The following ACSS3 variants were observed in gnomAD, a reference collection of about 807,000 sequenced individuals.
The protein encoded by ACSS3 is acyl-CoA synthetase short chain family member 3.
Under a neutral mutation model 84.2 loss-of-function variants are expected in ACSS3, and 64 were observed. The ratio of observed to expected loss-of-function variants is 0.76; its 90% CI spans 0.62 to 0.94. The LOEUF (loss-of-function observed/expected upper bound fraction) is 0.94, where lower values mean the gene tolerates loss of function less well. Ranked by LOEUF, ACSS3 falls within the 40% of genes least tolerant of loss-of-function variation. The probability of loss-of-function intolerance (pLI) is 0.00; values close to 1 mark genes in which losing one functional copy is unlikely to be tolerated. For missense variants in ACSS3, 815 were observed against 867.6 expected (o/e 0.94, Z 0.76); for synonymous variants, 317 against 310.1 (o/e 1.02, Z -0.23).
chr12:81,132,375 G>A (rs1885560415), intron 2 of ACSS3, among the ~76,000 whole-genome samples: 1 of 152,122 alleles, frequency 6.6e-6, no homozygotes, highest in Non-Finnish European at 1.5e-5. Flanking sequence ...ATGTGTACAG[G>A]AATTTATCCA....
intron 9 of ACSS3, among the ~76,000 whole-genome samples, chr12:81,204,617 C>G (rs1221919504): frequency 6.6e-6 from 1 of 152,082 alleles, no homozygotes; most frequent in African/African-American, 2.4e-5. Flanking sequence ...ATAGAATACT[C>G]AAATTCCACA....
At chr12:81,229,676 C>G (rs1380590117) in intron 11 of ACSS3, among the ~76,000 whole-genome samples, 1 of 151,912 alleles carries the variant, frequency 6.6e-6, no homozygotes, top group Non-Finnish European at 1.5e-5. Flanking sequence ...AAAAACACAA[C>G]AGCATTTCTC....
At chr12:81,213,579 C>G (rs147759752) in intron 9 of ACSS3, among the ~76,000 whole-genome samples, 1,709 of 37,108 alleles carry the variant, frequency 0.046, 38 homozygotes, top group South Asian at 0.16. Context: ...CTCCTCTCCT[C>G]TCCTCCCCTC....
At chr12:81,159,450 C>A (rs1887042733) in intron 7 of ACSS3, among the ~76,000 whole-genome samples, 1 of 152,068 alleles carries the variant, frequency 6.6e-6, no homozygotes, top group African/African-American at 2.4e-5. Flanking sequence ...TATTTAAATA[C>A]AAAACACCTG....
chr12:81,136,339 C>G (rs954712965), intron 3 of ACSS3, among the ~76,000 whole-genome samples: 1 of 152,140 alleles, frequency 6.6e-6, no homozygotes, highest in Admixed American at 6.6e-5. Flanking sequence ...CGCACCTACT[C>G]AGCTTTGCTG....
At chr12:81,154,972 G>A (rs573330586) in intron 7 of ACSS3, among the ~76,000 whole-genome samples, 5 of 152,120 alleles carry the variant, frequency 3.3e-5, no homozygotes, top group Admixed American at 1.3e-4. Context: ...TTTCTCTCAC[G>A]TTCTTGGGCT....
chr12:81,166,560 T>C (rs1009446450), intron 7 of ACSS3, among the ~76,000 whole-genome samples: 3 of 152,054 alleles, frequency 2.0e-5, no homozygotes, highest in Admixed American at 6.6e-5. Flanking sequence ...AAAAGCAAAG[T>C]GTACTAAAGA....
intron 11 of ACSS3, among the ~76,000 whole-genome samples, chr12:81,224,780 C>T (rs2033217896): frequency 6.6e-6 from 1 of 151,826 alleles, no homozygotes; most frequent in African/African-American, 2.4e-5. Context: ...TTAGTCTTGC[C>T]AGGATGTGAA....
intron 4 of ACSS3, among the ~76,000 whole-genome samples, chr12:81,141,881 G>A (rs1225511549): frequency 6.6e-6 from 1 of 152,172 alleles, no homozygotes; most frequent in African/African-American, 2.4e-5. Context: ...GCTGGAGAAA[G>A]CAGTTTGGCC....
At chr12:81,229,971 A>T (rs2033400912) in intron 11 of ACSS3, among the ~76,000 whole-genome samples, 1 of 151,834 alleles carries the variant, frequency 6.6e-6, no homozygotes. Flanking sequence ...ATGAAGTTCT[A>T]ATGTTGAGGT....
At position 81,224,548 on chromosome 12, in the gene ACSS3, A is replaced by G. The variant is rs79452553; in HGVS notation, c.1514+4472A>G. Among the ~76,000 whole-genome samples, 26 of 133,702 alleles carry G rather than the reference A, an allele frequency of 1.9e-4. No homozygotes were observed. The East Asian group carries it at 5.3e-3, about 27-fold the overall frequency. The allele number at this position is 133,702 out of a possible 152,430, so 87.7% of individuals were successfully genotyped here. The stretch of plus-strand genomic sequence containing the variant: ...TACATATATATATGCATATACATAC[A>G]TACATATATATATACACACACACAC... On this transcript the variant is annotated intron_variant, in intron 11 of 15. Coordinates refer to ENST00000548058, the MANE Select transcript of ACSS3 (RefSeq NM_024560.4).
In ACSS3 at chr12:81,256,698, T is replaced by C. The variant is rs968272272; in HGVS notation, c.*1776T>C. On this transcript the variant is annotated 3_prime_UTR_variant, in exon 16 of 16. Coordinates refer to ENST00000548058, the MANE Select transcript of ACSS3 (RefSeq NM_024560.4). Reference sequence around the variant, plus strand: ...ATGACCTACAACTTATATAAAAAAATTCTGAAAATGTTGACTTTTTTTGGA... The same window carrying C: ...ATGACCTACAACTTATATAAAAAAACTCTGAAAATGTTGACTTTTTTTGGA... 4 of 152,128 alleles carry C rather than the reference T, an allele frequency of 2.6e-5. No individual in the cohort carries two copies. Among genetic ancestry groups the C allele is most frequent in the African/African-American group, 9.7e-5 (4 of 41,440 alleles). 9.4% of individuals were successfully genotyped at this position (152,128 alleles called of 1,614,324 possible).
chr12:81,228,103 C>G, intron 11 of ACSS3, among the ~76,000 whole-genome samples: 1 of 151,728 alleles, frequency 6.6e-6, no homozygotes, highest in Admixed American at 6.6e-5. Flanking sequence ...ATTAGGATGA[C>G]CTATTTTTAC....
intron 8 of ACSS3, among the ~76,000 whole-genome samples, chr12:81,179,271 C>CAAAAAAAAAAAAAAAAAGAA: frequency 1.5e-5 from 1 of 66,780 alleles, no homozygotes; most frequent in Non-Finnish European, 2.7e-5. Flanking sequence ...AAGTAATTGC[C>CAAAAAAAAAAAAAAAAAGAA]AAAAAAAAAA....
intron 8 of ACSS3, among the ~76,000 whole-genome samples, chr12:81,184,985 G>T (rs2031168923): frequency 1.3e-5 from 2 of 151,580 alleles, no homozygotes. Context: ...TCTTAGTAAA[G>T]TATTATCAAA....
chr12:81,164,553 G>A (rs1887311127), intron 7 of ACSS3, among the ~76,000 whole-genome samples: 1 of 152,172 alleles, frequency 6.6e-6, no homozygotes, highest in Admixed American at 6.5e-5. Flanking sequence ...GGTAGGAACT[G>A]CTCGCAAGTT....
intron 8 of ACSS3, among the ~76,000 whole-genome samples, chr12:81,179,746 T>G (rs530720600): frequency 8.3e-6 from 1 of 120,654 alleles, no homozygotes; most frequent in East Asian, 2.4e-4. Flanking sequence ...ACTCCAGCAC[T>G]CCAGCCTGGG....
intron 8 of ACSS3, among the ~76,000 whole-genome samples, chr12:81,183,996 T>G (rs1326017908): frequency 6.6e-6 from 1 of 151,952 alleles, no homozygotes; most frequent in African/African-American, 2.4e-5. Context: ...CTTATTTTCC[T>G]CTAGTGTACA....
chr12:81,228,983 C>A (rs1032395857), intron 11 of ACSS3, among the ~76,000 whole-genome samples: 8 of 151,720 alleles, frequency 5.3e-5, no homozygotes, highest in Non-Finnish European at 1.2e-4. Flanking sequence ...CTCCTGTATA[C>A]CAGCAATCAG....
Sources: gnomAD v4.1 joint callset for allele counts (sites outside exome capture counted in the v4.1 genomes callset) on GRCh38, gnomAD v4.1.1 for gene constraint, MANE v1.5 for transcripts, NCBI Gene and HGNC (gene_info 2026-07-23, HGNC 2026-07-21) for gene names.